MVB12B: variants seen among roughly 807,000 people sequenced by gnomAD.
MVB12B encodes multivesicular body subunit 12B.
A neutral mutation model predicts 41.6 loss-of-function variants in MVB12B; 16 were observed. That is an observed-to-expected ratio of 0.38 (90% CI 0.26 to 0.58). MVB12B has a LOEUF of 0.58. Ranked by LOEUF, MVB12B falls within the 20% of genes least tolerant of loss-of-function variation. The pLI is 0.62. For synonymous variants in MVB12B, 133 were observed against 139.7 expected (o/e 0.95, Z 0.34); for missense variants, 274 against 380.2 (o/e 0.72, Z 2.32).
chr9:126,442,032 ATAGC>A (rs541425867), intron 7 of MVB12B, among the ~76,000 whole-genome samples: 12 of 152,334 alleles, frequency 7.9e-5, no homozygotes, highest in South Asian at 6.2e-4. Context: ...GCTTGGAGAA[ATAGC>A]TAGCCCATAA....
chr9:126,401,527 A>C (rs1831267979), intron 6 of MVB12B, among the ~76,000 whole-genome samples: 1 of 152,236 alleles, frequency 6.6e-6, no homozygotes, highest in Admixed American at 6.5e-5. Context: ...ATTCAGTCAC[A>C]ACTTTTGCAT....
chr9:126,486,177 AT>A lies in MVB12B; in HGVS notation c.873+2154del, dbSNP rs113388275. Among the ~76,000 whole-genome samples the A allele has an allele frequency of 2.5e-3, 375 of 151,760 alleles. 2 individuals are homozygous for A. The highest frequency in any genetic ancestry group is 8.7e-3 in the African/African-American group (361 of 41,374). On this transcript the variant is annotated intron_variant, in intron 9 of 9. Transcript: ENST00000361171. This position sits in a 1 kb window ranked among gnomAD's most constrained non-coding sequence, Gnocchi z 4.7. The stretch of plus-strand genomic sequence containing the variant: ...AAACCAACCTGATTGTCATATATAG[AT>A]TTTTTTTTCTTTTTTTGATAACTCA...
At chr9:126,329,524 CCT>C (rs1378119619) in intron 1 of MVB12B, among the ~76,000 whole-genome samples, 1 of 152,136 alleles carries the variant, frequency 6.6e-6, no homozygotes, top group Non-Finnish European at 1.5e-5. Context: ...TGCTGGATGC[CCT>C]CTCAGGGCCT....
At chr9:126,433,579 G>A (rs1035404941) in intron 7 of MVB12B, among the ~76,000 whole-genome samples, 9 of 152,022 alleles carry the variant, frequency 5.9e-5, no homozygotes, top group Non-Finnish European at 8.8e-5. Flanking sequence ...CCCTGCCCAT[G>A]GGCAGGGCTC....
At chr9:126,494,724 C>T (rs1833794543) in intron 9 of MVB12B, among the ~76,000 whole-genome samples, 1 of 152,168 alleles carries the variant, frequency 6.6e-6, no homozygotes, top group South Asian at 2.1e-4. Flanking sequence ...CTCTCATTTT[C>T]CACCCAGTAA....
At chr9:126,350,477 G>A (rs1050945476) in intron 2 of MVB12B, among the ~76,000 whole-genome samples, 8 of 152,188 alleles carry the variant, frequency 5.3e-5, no homozygotes, top group South Asian at 2.1e-4. Flanking sequence ...TAACACTTAC[G>A]TCTGTGATCC....
chr9:126,395,364 G>A lies in MVB12B; in HGVS notation c.540-211G>A, dbSNP rs1027099416. On this transcript the variant is annotated intron_variant, in intron 5 of 9. Transcript: ENST00000361171. The surrounding 1 kb of genome is among the most constrained non-coding windows in gnomAD (Gnocchi z 4.9). ...AGGGTGATGCAGGCGGCCTTGTCCC[G>A]AAGGCCTGCCTAGATGGAACGGGTC... is the stretch of plus-strand genomic sequence containing the variant. 6.6e-6 allele frequency among the ~76,000 whole-genome samples: 1 copy of A among 152,190 alleles called. No homozygotes were observed. Among genetic ancestry groups the A allele is most frequent in the Non-Finnish European group, 1.5e-5 (1 of 68,028 alleles).
chr9:126,371,255 TG>T (rs1830328851), intron 2 of MVB12B, among the ~76,000 whole-genome samples: 1 of 152,230 alleles, frequency 6.6e-6, no homozygotes, highest in South Asian at 2.1e-4. Flanking sequence ...TGTCATAGCT[TG>T]GCCGTCTGGG....
At chr9:126,487,770 A>AAC (rs1339937861) in intron 9 of MVB12B, among the ~76,000 whole-genome samples, 1 of 150,704 alleles carries the variant, frequency 6.6e-6, no homozygotes, top group Non-Finnish European at 1.5e-5. Flanking sequence ...CCGTCTCAAA[A>AAC]AAAAAAAAAA....
At chr9:126,380,320 C>A (rs994870434) in intron 2 of MVB12B, among the ~76,000 whole-genome samples, 2 of 152,194 alleles carry the variant, frequency 1.3e-5, no homozygotes, top group African/African-American at 4.8e-5. Flanking sequence ...TGGGAATATC[C>A]CCCAGCCCAG....
intron 2 of MVB12B, among the ~76,000 whole-genome samples, chr9:126,356,861 CT>C (rs1212191300): frequency 6.6e-6 from 1 of 152,052 alleles, no homozygotes; most frequent in Non-Finnish European, 1.5e-5. Flanking sequence ...CCCACTTCAC[CT>C]TCCTCCATGA....
intron 1 of MVB12B, among the ~76,000 whole-genome samples, chr9:126,339,288 C>T (rs1032916809): frequency 3.9e-5 from 6 of 152,200 alleles, no homozygotes; most frequent in Non-Finnish European, 7.3e-5. Context: ...TTCCTCCTGC[C>T]TGCTTAGTGA....
intron 2 of MVB12B, among the ~76,000 whole-genome samples, chr9:126,342,891 G>A (rs1448865635): frequency 6.6e-6 from 1 of 152,220 alleles, no homozygotes; most frequent in Admixed American, 6.5e-5. Flanking sequence ...CAGCAGATGA[G>A]GAAGCCCTGC....
chr9:126,369,020 C>T (rs1471202281), intron 2 of MVB12B, among the ~76,000 whole-genome samples: 2 of 152,148 alleles, frequency 1.3e-5, no homozygotes, highest in East Asian at 1.9e-4. Flanking sequence ...TGTGATGCTC[C>T]GTGGTTGAGT....
rs1832473629 is a variant in MVB12B at position 126,436,176 on chromosome 9, A to AT, written c.757+14232dup. 6.6e-6 allele frequency among the ~76,000 whole-genome samples: 1 copy of AT among 152,118 alleles called. No individual in the cohort carries two copies. ...TCATCTTTGAGCATAGTTTCTGGTT[A>AT]TTTTGCCAGGAGGCTCTCTCGTGTT... On this transcript the variant is annotated intron_variant, in intron 7 of 9. Coordinates refer to ENST00000361171, the MANE Select transcript of MVB12B (RefSeq NM_033446.3). The surrounding 1 kb of genome is among the most constrained non-coding windows in gnomAD (Gnocchi z 4.1).
At chr9:126,408,817 C>T (rs144117754) in intron 6 of MVB12B, among the ~76,000 whole-genome samples, 70 of 152,148 alleles carry the variant, frequency 4.6e-4, no homozygotes, top group African/African-American at 1.5e-3. Context: ...ATAGCAAAGG[C>T]GTACATTAAG....
intron 7 of MVB12B, among the ~76,000 whole-genome samples, chr9:126,437,802 C>G (rs1832526070): frequency 6.6e-6 from 1 of 152,136 alleles, no homozygotes; most frequent in South Asian, 2.1e-4. Context: ...GTTAATTGTT[C>G]CAGATGGCGT....
chr9:126,367,896 G>C lies in MVB12B; in HGVS notation c.205-13168G>C, dbSNP rs760987385. 6.6e-6 allele frequency among the ~76,000 whole-genome samples: 1 copy of C among 152,202 alleles called. No individual in the cohort carries two copies. Among genetic ancestry groups the C allele is most frequent in the Non-Finnish European group, 1.5e-5 (1 of 68,036 alleles). Reference sequence around the variant, plus strand: ...TTCAGCTCACCTGGGAGCCATCCTCGGAGGGAGGGGAGGGAGTGCCTGACA... The same window carrying C: ...TTCAGCTCACCTGGGAGCCATCCTCCGAGGGAGGGGAGGGAGTGCCTGACA... On this transcript the variant is annotated intron_variant, in intron 2 of 9. Transcript: ENST00000361171. The surrounding 1 kb of genome is among the most constrained non-coding windows in gnomAD (Gnocchi z 4.3).
intron 9 of MVB12B, among the ~76,000 whole-genome samples, chr9:126,498,268 G>A (rs1833879316): frequency 6.6e-6 from 1 of 152,166 alleles, no homozygotes. Context: ...TGCTGAGCCG[G>A]GGGGGCTTGG....
Sources: gnomAD v4.1 joint callset for allele counts (sites outside exome capture counted in the v4.1 genomes callset) on GRCh38, gnomAD v4.1.1 for gene constraint, Gnocchi (gnomAD v3.1) non-coding constraint, MANE v1.5 for transcripts, NCBI Gene and HGNC (gene_info 2026-07-23, HGNC 2026-07-21) for gene names.